The following CEP192 variants were observed in gnomAD, a reference collection of about 807,000 sequenced individuals.
CEP192 encodes the protein centrosomal protein 192.
In CEP192, 151 loss-of-function variants were observed where a neutral mutation model predicts 271.8. That is an observed-to-expected ratio of 0.56 (90% CI 0.49 to 0.64). The LOEUF is 0.64. Among genes scored for constraint, CEP192 ranks in the 30% least tolerant of loss-of-function variants. The pLI, the probability that CEP192 is intolerant of heterozygous loss-of-function variation, is 0.00. For synonymous variants in CEP192, 995 were observed against 1,076.5 expected (o/e 0.92, Z 1.48); for missense variants, 2,910 against 3,020.5 (o/e 0.96, Z 0.86).
chr18:13,028,838 T>A (rs2035456283), intron 9 of CEP192, among the ~76,000 whole-genome samples: 2 of 152,170 alleles, frequency 1.3e-5, no homozygotes, highest in Admixed American at 1.3e-4. Flanking sequence ...TATTTTTATA[T>A]AATAATGTTG....
At chr18:13,092,106 C>CG (rs895716608) in intron 33 of CEP192, among the ~76,000 whole-genome samples, 1 of 152,160 alleles carries the variant, frequency 6.6e-6, no homozygotes, top group Non-Finnish European at 1.5e-5. Flanking sequence ...GTTGGGGAAA[C>CG]TAAGTTCAGG....
chr18:13,052,844 T>C, intron 17 of CEP192, 75 bp from the exon 18 acceptor site: 4 of 1,162,264 alleles, frequency 3.4e-6, no homozygotes, highest in Non-Finnish European at 4.7e-6. Context: ...TGTAGGCCCA[T>C]AGGAATGGTT....
chr18:13,109,149 T>C (rs778354412), intron 40 of CEP192, among the ~76,000 whole-genome samples: 1 of 152,188 alleles, frequency 6.6e-6, no homozygotes, highest in Non-Finnish European at 1.5e-5. Flanking sequence ...CAATCCACCG[T>C]TGATCACCGG....
chr18:12,996,234 A>C (rs1054156540), intron 1 of CEP192, among the ~76,000 whole-genome samples: 7 of 152,102 alleles, frequency 4.6e-5, no homozygotes, highest in Admixed American at 2.0e-4. Flanking sequence ...GGGGGGATGC[A>C]GCAAGGTCCT....
intron 39 of CEP192, 135 bp downstream of exon 39, chr18:13,103,723 C>A: frequency 1.3e-6 from 1 of 761,246 alleles, no homozygotes; most frequent in Non-Finnish European, 2.3e-6. Context: ...AAAAGTCTTG[C>A]TCTGTCGCCC....
chr18:13,038,326 T>G (rs1457499965), intron 12 of CEP192, 44 bp from the exon 13 acceptor site: 1 of 1,453,786 alleles, frequency 6.9e-7, no homozygotes, highest in East Asian at 2.5e-5. Context: ...AACAGAAAAG[T>G]GACTTGCTGG....
In CEP192 at chr18:13,019,191, T is replaced by C. The variant is rs1267652388; in HGVS notation, c.1035T>C (p.Val345=). 3 of 1,537,186 alleles carry C rather than the reference T, an allele frequency of 2.0e-6. No homozygotes were observed. The highest frequency in any genetic ancestry group is 2.6e-6 in the Non-Finnish European group (3 of 1,142,166). The change falls in exon 9 of 45, where the codon GTT becomes GTC. Residue 345 remains valine, a synonymous_variant. Coordinates refer to ENST00000506447, the MANE Select transcript of CEP192 (RefSeq NM_032142.4). The part of the protein sequence containing the change: ...EKEIENLKGI[V]PDLNSECASK... ...AAATAGAAAATTTGAAGGGTATTGTTCCAGATCTTAACAGTGTAAGTTATG... is the reference window on the plus strand; with the variant it reads ...AAATAGAAAATTTGAAGGGTATTGTCCCAGATCTTAACAGTGTAAGTTATG...
chr18:13,077,695 T>C (rs889240687), intron 30 of CEP192, among the ~76,000 whole-genome samples: 3 of 152,160 alleles, frequency 2.0e-5, no homozygotes, highest in Non-Finnish European at 4.4e-5. Context: ...TGAGTTCTTA[T>C]CTTTAGCTTA....
At chr18:13,037,203 G>A (rs948191117) in intron 11 of CEP192, 34 bp from the exon 12 acceptor site, 50 of 856,178 alleles carry the variant, frequency 5.8e-5, no homozygotes, top group Non-Finnish European at 9.4e-5. Flanking sequence ...TTAGGCATTA[G>A]TGTAATGTAT....
intron 41 of CEP192, 86 bp downstream of exon 41, chr18:13,113,791 TG>T: frequency 8.3e-7 from 1 of 1,206,716 alleles, no homozygotes; most frequent in Non-Finnish European, 1.2e-6. Context: ...GGCCTGAAAA[TG>T]CAGAATATAG....
intron 9 of CEP192, among the ~76,000 whole-genome samples, chr18:13,028,655 G>A (rs1210794697): frequency 5.9e-5 from 9 of 152,216 alleles, no homozygotes; most frequent in Admixed American, 2.6e-4. Context: ...GAGTAGCTGG[G>A]ATTACAGGTG....
intron 14 of CEP192, among the ~76,000 whole-genome samples, chr18:13,041,634 C>T (rs189067158): frequency 8.7e-5 from 13 of 149,678 alleles, no homozygotes; most frequent in Admixed American, 2.7e-4. Flanking sequence ...GGCGTGATCT[C>T]GGCTCACTGC....
intron 36 of CEP192, among the ~76,000 whole-genome samples, chr18:13,098,559 C>T (rs1388758495): frequency 2.0e-5 from 3 of 148,942 alleles, no homozygotes; most frequent in South Asian, 2.1e-4. Flanking sequence ...GGGGCAGAGG[C>T]GCTCCCCACA....
chr18:13,096,088 G>GTA, intron 35 of CEP192, 96 bp from the exon 36 acceptor site: 1 of 1,249,684 alleles, frequency 8.0e-7, no homozygotes, highest in Non-Finnish European at 1.1e-6. Context: ...TAGCATACTT[G>GTA]TATATCTATT....
chr18:13,076,330 T>C (rs923758410), intron 30 of CEP192, among the ~76,000 whole-genome samples: 1 of 152,142 alleles, frequency 6.6e-6, no homozygotes, highest in African/African-American at 2.4e-5. Context: ...GTTCAAGCAG[T>C]TCTCTTGCCT....
At chr18:13,054,838 T>A (rs1315872273) in intron 18 of CEP192, among the ~76,000 whole-genome samples, 1 of 152,220 alleles carries the variant, frequency 6.6e-6, no homozygotes. Context: ...TTTCAGCTGG[T>A]CCATCCTGCA....
intron 3 of CEP192, among the ~76,000 whole-genome samples, chr18:13,005,908 A>G (rs1431849008): frequency 6.6e-6 from 1 of 152,248 alleles, no homozygotes; most frequent in Non-Finnish European, 1.5e-5. Context: ...ATATTGCTAC[A>G]TTGTACATGA....
chr18:13,094,161 T>G (rs1025073584), intron 34 of CEP192, among the ~76,000 whole-genome samples: 1 of 152,216 alleles, frequency 6.6e-6, no homozygotes, highest in Non-Finnish European at 1.5e-5. Flanking sequence ...ACTAATACTA[T>G]TTTCATCACT....
rs761204372 is a variant in CEP192, at chr18:12,995,557, GC to G, written c.-4-3863del. 5.9e-5 allele frequency among the ~76,000 whole-genome samples: 9 copies of G among 152,354 alleles called. No individual in the cohort carries two copies. In the East Asian group the frequency reaches 9.6e-4, roughly 16 times the overall value. The stretch of plus-strand genomic sequence containing the variant: ...CAAGTTTATTGAGCGTCTCGTGCCA[GC>G]ACTGTTCTAGCTGGGAATGCAGTGG... On this transcript the variant is annotated intron_variant, in intron 1 of 44. Transcript: ENST00000506447.
Sources: allele counts gnomAD v4.1 joint callset (sites outside exome capture counted in the v4.1 genomes callset), GRCh38; gene constraint gnomAD v4.1.1; transcripts MANE v1.5; gene names NCBI Gene and HGNC (gene_info 2026-07-23, HGNC 2026-07-21).